Variants in CSMD1 observed in about 807,000 individuals in gnomAD.
CSMD1 encodes the protein CUB and Sushi multiple domains 1.
CSMD1 carries 213 observed loss-of-function variants against 417.5 expected under a neutral mutation model. The ratio of observed to expected loss-of-function variants is 0.51; its 90% confidence interval spans 0.46 to 0.57. CSMD1 has a LOEUF of 0.57. CSMD1 is among the 20% of genes least tolerant of loss of function. The pLI is 0.00. For synonymous variants in CSMD1, 2,862 were observed against 1,736.8 expected (o/e 1.65, Z -16.11); for missense variants, 6,923 against 4,529.7 (o/e 1.53, Z -15.17).
intron 49 of CSMD1, among the ~76,000 whole-genome samples, chr8:3,070,369 TC>T (rs1813251671): frequency 6.6e-6 from 1 of 152,256 alleles, no homozygotes; most frequent in Non-Finnish European, 1.5e-5. Flanking sequence ...ATGCATTGCT[TC>T]CTGCTTAAAT....
At chr8:3,894,247 C>G (rs1807194002) in intron 5 of CSMD1, among the ~76,000 whole-genome samples, 1 of 152,180 alleles carries the variant, frequency 6.6e-6, no homozygotes. Context: ...CTGTCAACAT[C>G]TGCAGTCCCA....
chr8:4,595,694 G>T (rs560101504), intron 2 of CSMD1, among the ~76,000 whole-genome samples: 1 of 152,100 alleles, frequency 6.6e-6, no homozygotes, highest in Non-Finnish European at 1.5e-5. Flanking sequence ...TTGAACTCAG[G>T]AGTTGGAGGC....
chr8:3,030,822 C>T (rs1273582090), intron 50 of CSMD1, among the ~76,000 whole-genome samples: 2 of 152,028 alleles, frequency 1.3e-5, no homozygotes, highest in Non-Finnish European at 2.9e-5. Flanking sequence ...AGAATTGAGT[C>T]AGGCATAACC....
chr8:4,899,345 A>AG (rs11371561), intron 1 of CSMD1, among the ~76,000 whole-genome samples: 138,293 of 152,242 alleles, frequency 0.91, 62,999 homozygotes, highest in East Asian at 0.98. Flanking sequence ...ACACTAACAA[A>AG]AAGTGAGCCA....
At chr8:4,351,920 G>GACA (rs1801118370) in intron 3 of CSMD1, among the ~76,000 whole-genome samples, 1 of 149,280 alleles carries the variant, frequency 6.7e-6, no homozygotes, top group Non-Finnish European at 1.5e-5. Flanking sequence ...TAGAAACACT[G>GACA]ACATTCAAGG....
Position 4,128,014 on chromosome 8 carries a change from G to C in CSMD1, c.416-95915C>G, listed in dbSNP as rs149012441. ...GAAAGGGATGCTGTCACTTGAGCAA[G>C]TACCACATTTTATATTCTTCAGGTG... On this transcript the variant is annotated intron_variant, in intron 3 of 69. Transcript: ENST00000635120. 1.2e-3 allele frequency among the ~76,000 whole-genome samples: 178 copies of C among 152,276 alleles called. 2 individuals carry two copies. Among genetic ancestry groups the C allele is most frequent in the East Asian group, 9.7e-4 (5 of 5,172 alleles).
intron 2 of CSMD1, among the ~76,000 whole-genome samples, chr8:4,602,543 T>C (rs985092617): frequency 2.6e-5 from 4 of 152,192 alleles, no homozygotes; most frequent in Non-Finnish European, 4.4e-5. Context: ...ATATTGGTCA[T>C]TATAGTCATT....
chr8:4,788,093 A>G (rs1797505983), intron 1 of CSMD1: 1 of 1,603,584 alleles, frequency 6.2e-7, no homozygotes, highest in Non-Finnish European at 8.5e-7. Flanking sequence ...TGCTTTTGAA[A>G]TCAGAAAGTC....
chr8:4,954,594 C>G (rs896330148), intron 1 of CSMD1, among the ~76,000 whole-genome samples: 3 of 152,086 alleles, frequency 2.0e-5, no homozygotes, highest in Non-Finnish European at 2.9e-5. Flanking sequence ...AACTTTTATA[C>G]TTTCTAAAAG....
At chr8:4,275,863 A>G (rs982621672) in intron 3 of CSMD1, among the ~76,000 whole-genome samples, 4 of 152,244 alleles carry the variant, frequency 2.6e-5, no homozygotes, top group Non-Finnish European at 4.4e-5. Flanking sequence ...TCCACAAGGC[A>G]TGAATTATAA....
intron 49 of CSMD1, among the ~76,000 whole-genome samples, chr8:3,076,186 G>T (rs1813668074): frequency 6.6e-6 from 1 of 152,194 alleles, no homozygotes; most frequent in Non-Finnish European, 1.5e-5. Context: ...CTGGAGGCCG[G>T]AAGTCCCACC....
chr8:3,333,948 G>C (rs1585014434), intron 23 of CSMD1, among the ~76,000 whole-genome samples: 1 of 152,308 alleles, frequency 6.6e-6, no homozygotes, highest in African/African-American at 2.4e-5. Flanking sequence ...ATGTGCATTT[G>C]AGGACTGCCC....
chr8:4,452,523 C>G (rs901783559), intron 2 of CSMD1, among the ~76,000 whole-genome samples: 1 of 152,162 alleles, frequency 6.6e-6, no homozygotes, highest in Non-Finnish European at 1.5e-5. Flanking sequence ...AGTTCATTAA[C>G]TCAACAATTA....
chr8:3,051,526 C>T (rs1189016470), intron 50 of CSMD1, among the ~76,000 whole-genome samples: 1 of 152,150 alleles, frequency 6.6e-6, no homozygotes, highest in Non-Finnish European at 1.5e-5. Context: ...GAAACTATCT[C>T]CACACCAAAC....
At chr8:4,653,986 T>C (rs1027593395) in intron 1 of CSMD1, among the ~76,000 whole-genome samples, 1 of 152,096 alleles carries the variant, frequency 6.6e-6, no homozygotes. Context: ...CATGATTAGG[T>C]TCCATTCAAA....
At chr8:4,956,324 A>G (rs890274201) in intron 1 of CSMD1, among the ~76,000 whole-genome samples, 1 of 151,658 alleles carries the variant, frequency 6.6e-6, no homozygotes, top group Non-Finnish European at 1.5e-5. Flanking sequence ...GAATAATAAA[A>G]ATAATTAACA....
intron 1 of CSMD1, among the ~76,000 whole-genome samples, chr8:4,918,912 G>C (rs1375685838): frequency 6.6e-6 from 1 of 152,082 alleles, no homozygotes; most frequent in Non-Finnish European, 1.5e-5. Flanking sequence ...TTTAAAAAAA[G>C]TAGTAAAATT....
chr8:4,157,864 G>T (rs140052035), intron 3 of CSMD1, among the ~76,000 whole-genome samples: 1 of 152,138 alleles, frequency 6.6e-6, no homozygotes, highest in Admixed American at 6.5e-5. Flanking sequence ...CTGAAGTTGG[G>T]CTTGGTCCTA....
At chr8:4,933,982 G>A (rs1438975543) in intron 1 of CSMD1, among the ~76,000 whole-genome samples, 1 of 151,416 alleles carries the variant, frequency 6.6e-6, no homozygotes, top group East Asian at 1.9e-4. Context: ...TCACTCAACA[G>A]TTACTTACGT....
Sources: allele counts gnomAD v4.1 joint callset (sites outside exome capture counted in the v4.1 genomes callset), GRCh38; gene constraint gnomAD v4.1.1; transcripts MANE v1.5; gene names NCBI Gene and HGNC (gene_info 2026-07-23, HGNC 2026-07-21).